Variants in ENO4 observed in about 807,000 individuals in gnomAD.
ENO4 encodes enolase 4.
In ENO4, 53 loss-of-function variants were observed where a neutral mutation model predicts 63.2. The observed-to-expected ratio is 0.84, with a 90% CI of 0.67 to 1.05. The LOEUF (loss-of-function observed/expected upper bound fraction) is 1.05, where lower values mean the gene tolerates loss of function less well. Among genes scored for constraint, ENO4 ranks in the 50% least tolerant of loss-of-function variants. The pLI is 0.00. For synonymous variants in ENO4, 266 were observed against 283.8 expected, an observed-to-expected ratio of 0.94 and a Z score of 0.63; for missense variants, 719 against 772.0, an observed-to-expected ratio of 0.93 and a Z score of 0.81.
chr10:116,871,963 G>A (rs534111549), intron 9 of ENO4, among the ~76,000 whole-genome samples: 6 of 152,192 alleles, frequency 3.9e-5, no homozygotes, highest in Non-Finnish European at 8.8e-5. Context: ...TTGGGAGGCC[G>A]AGGTGGGTGG....
intron 9 of ENO4, among the ~76,000 whole-genome samples, chr10:116,871,884 A>G (rs1846704437): frequency 6.6e-6 from 1 of 152,238 alleles, no homozygotes; most frequent in Non-Finnish European, 1.5e-5. Context: ...AAAGAGAGTG[A>G]AAAACAGGTT....
chr10:116,911,838 T>C (rs1311842314), downstream of ENO4: 1 of 1,610,810 alleles, frequency 6.2e-7, no homozygotes. Context: ...CTTTCGAAGA[T>C]TCTGGCTATA....
In ENO4 at chr10:116,859,099, C is replaced by A. The variant is rs150721071; in HGVS notation, c.595C>A (p.Pro199Thr). ...TCTACCTCCAGTACCACCACCACCA[C>A]CCCCTCCACCTCCTACCAAAAAAAA... ...TPLPPVPPPPPPPPPTKKKGQ... is the reference protein window; with the variant it reads ...TPLPPVPPPPTPPPPTKKKGQ... The change falls in exon 4 of 14, where the codon CCC (proline) becomes ACC (threonine). Residue 199 changes from proline to threonine, a missense_variant. Around this residue, in one of 3 missense-constraint regions of ENO4, gnomAD observed 544 missense variants for 583.6 expected, o/e 0.93. Coordinates refer to ENST00000341276, the MANE Select transcript of ENO4 (RefSeq NM_001242699.2). The A allele has an allele frequency of 2.6e-6, 4 of 1,533,034 alleles. 1 individual carries two copies. The highest frequency in any genetic ancestry group is 3.5e-6 in the Non-Finnish European group (4 of 1,144,858). 95.0% of individuals were successfully genotyped at this position (1,533,034 alleles called of 1,614,324 possible).
intron 10 of ENO4, among the ~76,000 whole-genome samples, chr10:116,909,867 C>A (rs1848121481): frequency 6.6e-6 from 1 of 152,144 alleles, no homozygotes; most frequent in Admixed American, 6.5e-5. Context: ...TAGAACCGAA[C>A]ACAGTGTTTT....
intron 10 of ENO4, among the ~76,000 whole-genome samples, chr10:116,890,610 A>G (rs1297532580): frequency 6.6e-6 from 1 of 152,250 alleles, no homozygotes; most frequent in East Asian, 1.9e-4. Context: ...ACCAAAAAGC[A>G]AAATAAAAGC....
At position 116,879,367 on chromosome 10, in the gene ENO4, T is replaced by G. The variant is rs1048309328; in HGVS notation, c.1605+9T>G. 3.0e-5 allele frequency: 46 copies of G among 1,543,350 alleles called. No homozygotes were observed. Among genetic ancestry groups the G allele is most frequent in the Non-Finnish European group, 3.9e-5 (44 of 1,141,726 alleles). On this transcript the variant is annotated intron_variant, in intron 12 of 13. Transcript: ENST00000341276. ...ACAGCCTTGTCGATTTGGTAAGTGC[T>G]GAATGCTGGTCAACTGCCAAACACT...
rs762230137 is a variant in ENO4, at chr10:116,874,065, A to G, written c.1216-11A>G. 5 of 1,532,118 alleles carry G rather than the reference A, an allele frequency of 3.3e-6. No homozygotes were observed. The South Asian group carries it at 6.1e-5, about 19-fold the overall frequency. 94.9% of individuals were successfully genotyped at this position (1,532,118 alleles called of 1,614,324 possible). A position where few individuals can be genotyped will look rare whatever the true frequency, so the allele number is the denominator to read the frequency against. On this transcript the variant is annotated splice_polypyrimidine_tract_variant and intron_variant, in intron 9 of 13. Transcript: ENST00000341276. Reference sequence around the variant, plus strand: ...TATCCCTTATTTTAATATTTTCCTGACACATATCAGAATAAAGGAAAGTAT... The same window carrying G: ...TATCCCTTATTTTAATATTTTCCTGGCACATATCAGAATAAAGGAAAGTAT...
chr10:116,884,093 A>G (rs537023513), downstream of ENO4: 2 of 391,878 alleles, frequency 5.1e-6, no homozygotes, highest in East Asian at 1.5e-4. Context: ...AGCATAAATA[A>G]CCTTTTAGAG....
At chr10:116,875,731 TC>T (rs1442580586) in intron 10 of ENO4, among the ~76,000 whole-genome samples, 2 of 152,262 alleles carry the variant, frequency 1.3e-5, no homozygotes, top group South Asian at 2.1e-4. Context: ...ATCAGAAAAA[TC>T]CATCCAGCCA....
intron 7 of ENO4, among the ~76,000 whole-genome samples, chr10:116,865,999 T>C (rs1846539590): frequency 1.3e-5 from 2 of 152,338 alleles, no homozygotes; most frequent in South Asian, 4.1e-4. Flanking sequence ...CCCTATTACA[T>C]AGATTAAGAA....
At chr10:116,850,677 G>A (rs1055004342) in intron 1 of ENO4, among the ~76,000 whole-genome samples, 3 of 152,072 alleles carry the variant, frequency 2.0e-5, no homozygotes, top group South Asian at 2.1e-4. Context: ...GATGTTCCGC[G>A]AATGACTTTT....
chr10:116,909,348 T>C (rs1589797553), intron 10 of ENO4, among the ~76,000 whole-genome samples: 1 of 152,192 alleles, frequency 6.6e-6, no homozygotes, highest in Non-Finnish European at 1.5e-5. Flanking sequence ...TCTGGGTATT[T>C]TGGAAAACTG....
At chr10:116,879,766 C>A in intron 12 of ENO4, 103 bp from the exon 13 acceptor site, 1 of 899,450 alleles carries the variant, frequency 1.1e-6, no homozygotes, top group East Asian at 2.7e-5. Context: ...AGAGAAAATC[C>A]CAAACAGCAC....
At chr10:116,868,878 G>C (rs774543012) in intron 8 of ENO4, among the ~76,000 whole-genome samples, 172 bp downstream of exon 8, 17 of 152,114 alleles carry the variant, frequency 1.1e-4, no homozygotes, top group Non-Finnish European at 1.6e-4. Context: ...TGCTGCCCCT[G>C]CCTTCCAGCA....
rs1490610267 is a variant in ENO4, at chr10:116,879,375, G to A, written c.1605+17G>A. ...GTCGATTTGGTAAGTGCTGAATGCTGGTCAACTGCCAAACACTGCTTTTAT... is the reference window on the plus strand; with the variant it reads ...GTCGATTTGGTAAGTGCTGAATGCTAGTCAACTGCCAAACACTGCTTTTAT... On this transcript the variant is annotated intron_variant, in intron 12 of 13. Transcript: ENST00000341276. 8 of 1,534,126 alleles carry A rather than the reference G, an allele frequency of 5.2e-6. No homozygotes were observed. In the Admixed American group the frequency reaches 8.1e-5, roughly 16 times the overall value.
rs755450363 is a variant in ENO4 at position 116,856,596 on chromosome 10, C to T, written c.399C>T (p.Thr133=). 1.1e-5 allele frequency: 17 copies of T among 1,536,116 alleles called. No homozygotes were observed. The highest frequency in any genetic ancestry group is 2.0e-5 in the Admixed American group (1 of 50,998). The change falls in exon 3 of 14, where the codon ACC becomes ACT. Residue 133 remains threonine (T), a synonymous_variant. Transcript: ENST00000341276. ...EEAERASAVS[T]AVQWVNSTIT... ...CAGAGAGGGCCAGCGCGGTGAGCAC[C>T]GCCGTGCAGTGGGTCAACAGCACCA...
At chr10:116,853,811 C>CA (rs1846165548) in intron 1 of ENO4, among the ~76,000 whole-genome samples, 1 of 152,194 alleles carries the variant, frequency 6.6e-6, no homozygotes, top group African/African-American at 2.4e-5. Context: ...TCTGGGGCCC[C>CA]ACCTCTGAAC....
Position 116,860,780 on chromosome 10 carries a change from A to T in ENO4, c.635-14A>T, listed in dbSNP as rs1846387888. On this transcript the variant is annotated splice_polypyrimidine_tract_variant and intron_variant, in intron 4 of 13. Coordinates refer to ENST00000341276, the MANE Select transcript of ENO4 (RefSeq NM_001242699.2). Reference sequence around the variant, plus strand: ...TTAGAAATACAGTCTTACTCTCAATATTTCTCCCTCCAGGGAGGAAGGATA... The same window carrying T: ...TTAGAAATACAGTCTTACTCTCAATTTTTCTCCCTCCAGGGAGGAAGGATA... 2.1e-6 allele frequency: 3 copies of T among 1,433,144 alleles called. No individual in the cohort carries two copies. The highest frequency in any genetic ancestry group is 2.8e-5 in the African/African-American group (2 of 70,500). The allele number at this position is 1,433,144 out of a possible 1,614,324, so 88.8% of individuals were successfully genotyped here. A position where few individuals can be genotyped will look rare whatever the true frequency, so the allele number is the denominator to read the frequency against.
Position 116,849,707 on chromosome 10 carries a change from G to T in ENO4, c.141G>T (p.Gln47His). 6.5e-7 allele frequency: 1 copy of T among 1,535,900 alleles called. No homozygotes were observed. Among genetic ancestry groups the T allele is most frequent in the Non-Finnish European group, 8.8e-7 (1 of 1,139,626 alleles). Residue 47 changes from glutamine (Q) to histidine (H), a missense_variant, in exon 1 of 14, where the codon CAG becomes CAT. Physicochemically the swap from Gln to His is conservative, Grantham distance 24 (BLOSUM62 0). Around this residue, in one of 3 missense-constraint regions of ENO4, gnomAD observed 544 missense variants for 583.6 expected, o/e 0.93. Coordinates refer to ENST00000341276, the MANE Select transcript of ENO4 (RefSeq NM_001242699.2). ...EELLNSTFYLQPADVYGHLAN... is the reference protein window; with the variant it reads ...EELLNSTFYLHPADVYGHLAN... ...TGCTCAACTCCACCTTCTACCTCCAGCCTGCCGACGTCTACGGGCACCTGG... is the reference window on the plus strand; with the variant it reads ...TGCTCAACTCCACCTTCTACCTCCATCCTGCCGACGTCTACGGGCACCTGG...
Sources: allele counts gnomAD v4.1 joint callset (sites outside exome capture counted in the v4.1 genomes callset), GRCh38; gene constraint gnomAD v4.1.1; regional missense constraint gnomAD v4.1.1; transcripts MANE v1.5; gene names NCBI Gene and HGNC (gene_info 2026-07-23, HGNC 2026-07-21).